MAPK6: variants seen among roughly 807,000 people sequenced by gnomAD.
MAPK6 encodes mitogen-activated protein kinase 6, also known as ERK-3.
MAPK6 carries 19 observed loss-of-function variants against 59.3 expected under a neutral mutation model. The observed-to-expected ratio is 0.32, with a 90% CI of 0.22 to 0.47. The LOEUF is 0.47. Ranked by LOEUF, MAPK6 falls within the 20% of genes least tolerant of loss-of-function variation. The pLI is 1.00. For missense variants in MAPK6, 724 were observed against 847.9 expected, an observed-to-expected ratio of 0.85 and a Z score of 1.81; for synonymous variants, 316 against 290.3, an observed-to-expected ratio of 1.09 and a Z score of -0.90.
chr15:51,989,192 AC>A (rs755777063), intron 2 of MAPK6, among the ~76,000 whole-genome samples: 3 of 149,312 alleles, frequency 2.0e-5, no homozygotes, highest in Non-Finnish European at 4.4e-5. Context: ...CAATTCTCCC[AC>A]CTCAGCCTCC....
intron 2 of MAPK6, among the ~76,000 whole-genome samples, chr15:51,988,615 C>A (rs2057198419): frequency 6.6e-6 from 1 of 151,902 alleles, no homozygotes; most frequent in Non-Finnish European, 1.5e-5. Context: ...ACCTGTAGTC[C>A]CAGCTACTCG....
At chr15:52,058,576 A>T in intron 3 of MAPK6, 57 bp from the exon 4 acceptor site, 1 of 1,409,850 alleles carries the variant, frequency 7.1e-7, no homozygotes, top group Admixed American at 2.3e-5. Flanking sequence ...TAGTATGTTT[A>T]TTGTGAAATA....
intron 1 of MAPK6, among the ~76,000 whole-genome samples, chr15:52,020,764 ATAG>A (rs1478051843): frequency 1.7e-4 from 26 of 152,232 alleles, no homozygotes; most frequent in African/African-American, 5.1e-4. Flanking sequence ...TTGTCTTTAG[ATAG>A]TAGTTGTTCA....
chr15:51,983,872 CT>C (rs1364349973), intron 2 of MAPK6, among the ~76,000 whole-genome samples: 1 of 151,894 alleles, frequency 6.6e-6, no homozygotes, highest in East Asian at 1.9e-4. Context: ...TCTATCTAAA[CT>C]GTAAATGGCT....
At chr15:52,051,773 C>A (rs1025266006) in intron 3 of MAPK6, among the ~76,000 whole-genome samples, 1 of 151,450 alleles carries the variant, frequency 6.6e-6, no homozygotes, top group Admixed American at 6.6e-5. Flanking sequence ...ACTGGGGAGG[C>A]TGAGGCACGA....
At position 51,984,447 on chromosome 15, in the gene MAPK6, A is replaced by ATTTTTTTTTT. The variant is rs71130112; in HGVS notation, c.-770+1152_-770+1161dup. On this transcript the variant is annotated intron_variant, in intron 2 of 7. Transcript: ENST00000691380. ...CAGGCGCCTGCCAACACGCCGGCTAATTTTTTTTTTTTTTTTTTTTTTTTT... is the reference window on the plus strand; with the variant it reads ...CAGGCGCCTGCCAACACGCCGGCTAATTTTTTTTTTTTTTTTTTTTTTTTTTTTTTTTTTT... Among the ~76,000 whole-genome samples, 527 of 69,962 alleles carry ATTTTTTTTTT rather than the reference A, an allele frequency of 7.5e-3. 29 individuals carry two copies. Among genetic ancestry groups the ATTTTTTTTTT allele is most frequent in the African/African-American group, 0.025 (373 of 15,074 alleles). 45.9% of individuals were successfully genotyped at this position (69,962 alleles called of 152,430 possible).
At chr15:52,036,933 G>A (rs2031261670) in intron 1 of MAPK6, among the ~76,000 whole-genome samples, 1 of 151,884 alleles carries the variant, frequency 6.6e-6, no homozygotes, top group African/African-American at 2.4e-5. Flanking sequence ...GCCTTCTTCA[G>A]TTTGGAGAAA....
chr15:52,054,777 CATATAT>C (rs1019104083), intron 3 of MAPK6, among the ~76,000 whole-genome samples: 1 of 147,928 alleles, frequency 6.8e-6, no homozygotes, highest in Non-Finnish European at 1.5e-5. Flanking sequence ...TACACACATA[CATATAT>C]ATATAATTTT....
At chr15:51,992,450 C>T (rs145693274) in intron 2 of MAPK6, among the ~76,000 whole-genome samples, 1,910 of 151,912 alleles carry the variant, frequency 0.013, 61 homozygotes, top group East Asian at 0.078. Context: ...TACAGGTGCA[C>T]GCCACCACAT....
chr15:52,026,817 C>T (rs559798349), intron 1 of MAPK6, among the ~76,000 whole-genome samples: 11 of 151,352 alleles, frequency 7.3e-5, no homozygotes, highest in South Asian at 2.1e-4. Context: ...TTTGGGAGGC[C>T]GAGGCAGGCG....
chr15:52,024,553 C>G (rs896027120), intron 1 of MAPK6: 3 of 152,166 alleles, frequency 2.0e-5, no homozygotes, highest in Non-Finnish European at 2.9e-5. Flanking sequence ...GCTGCTGCCA[C>G]CGCGCCTGGC....
At chr15:52,051,552 G>C (rs1030617754) in intron 3 of MAPK6, among the ~76,000 whole-genome samples, 2 of 152,174 alleles carry the variant, frequency 1.3e-5, no homozygotes, top group Non-Finnish European at 2.9e-5. Context: ...CAGCAAGCCA[G>C]CTCTTTATAA....
chr15:52,051,643 G>A (rs2031784901), intron 3 of MAPK6, among the ~76,000 whole-genome samples: 1 of 152,116 alleles, frequency 6.6e-6, no homozygotes, highest in Admixed American at 6.6e-5. Flanking sequence ...GGAGGCTGCA[G>A]CGGGCAGATC....
intron 1 of MAPK6, among the ~76,000 whole-genome samples, chr15:51,974,896 T>G (rs2057153094): frequency 6.6e-6 from 1 of 150,808 alleles, no homozygotes; most frequent in South Asian, 2.1e-4. Flanking sequence ...TTTTGTATTT[T>G]TAGTAAAGAC....
At chr15:51,977,510 A>G (rs2593195) in intron 1 of MAPK6, among the ~76,000 whole-genome samples, 1,695 of 151,186 alleles carry the variant, frequency 0.011, 27 homozygotes, top group African/African-American at 0.039. Context: ...TACAGTTCCT[A>G]CTCCAGCCTC....
At chr15:52,020,660 C>A (rs923364807) in intron 1 of MAPK6, among the ~76,000 whole-genome samples, 10 of 152,146 alleles carry the variant, frequency 6.6e-5, no homozygotes, top group Non-Finnish European at 1.2e-4. Context: ...AATGTAGGGT[C>A]CAAACAGGGC....
rs897147276 is a variant in MAPK6 at position 52,046,746 on chromosome 15, G to T, written c.286G>T (p.Gly96Cys). The T allele has an allele frequency of 1.9e-6, 3 of 1,614,182 alleles. No individual in the cohort carries two copies. Among genetic ancestry groups the T allele is most frequent in the Non-Finnish European group, 1.7e-6 (2 of 1,180,034 alleles). ...TGGAAGCCAATTAACAGACGATGTG[G>T]GCTCTCTTACGGAACTGAACAGTGT... is the stretch of plus-strand genomic sequence containing the variant. ...PSGSQLTDDV[G>C]SLTELNSVYI... The change falls in exon 2 of 6, where the codon GGC (glycine) becomes TGC (cysteine). Residue 96 changes from glycine to cysteine, a missense_variant. Transcript: ENST00000261845.
At chr15:51,998,687 A>ATTTTTTTTTTTTTTTTT (rs964775744) in intron 2 of MAPK6, among the ~76,000 whole-genome samples, 13,833 of 38,408 alleles carry the variant, frequency 0.36, 6,479 homozygotes, top group Middle Eastern at 0.6. Context: ...TGCCTGGTTA[A>ATTTTTTTTTTTTTTTTT]TTTTTTTTTT....
chr15:52,054,749 C>CACAT (rs764393160), intron 3 of MAPK6, among the ~76,000 whole-genome samples: 2 of 149,936 alleles, frequency 1.3e-5, no homozygotes, highest in East Asian at 2.0e-4. Flanking sequence ...CACACACACA[C>CACAT]ATATACACAT....
Sources: allele counts gnomAD v4.1 joint callset (sites outside exome capture counted in the v4.1 genomes callset), GRCh38; gene constraint gnomAD v4.1.1; transcripts MANE v1.5; gene names NCBI Gene and HGNC (gene_info 2026-07-23, HGNC 2026-07-21).